Variants in ABCG5 observed in about 807,000 individuals in gnomAD.
ABCG5 encodes the protein ATP binding cassette subfamily G member 5, also known as ATP-binding cassette sub-family G member 5.
A neutral mutation model predicts 64.5 loss-of-function variants in ABCG5; 64 were observed. The observed-to-expected ratio is 0.99, with a 90% CI of 0.81 to 1.22. ABCG5 has a LOEUF of 1.22. ABCG5 is among the 50% of genes most tolerant of loss of function. The probability of loss-of-function intolerance (pLI) is 0.00; values close to 1 mark genes in which losing one functional copy is unlikely to be tolerated. For missense variants in ABCG5, 908 were observed against 829.5 expected (o/e 1.09, Z -1.16); for synonymous variants, 385 against 326.3 (o/e 1.18, Z -1.94).
At position 43,826,452 on chromosome 2, in the gene ABCG5, A is replaced by G; in HGVS notation, c.704T>C (p.Leu235Pro). ...CMTANQIVVL[L>P]VELARRNRIV... is the part of the protein sequence containing the mutation. Reference sequence around the variant, plus strand: ...TCGGTTCCTGCGAGCCAGTTCCACCAGGAGGACGACAATCTGATTAGCAGT... The same window carrying G: ...TCGGTTCCTGCGAGCCAGTTCCACCGGGAGGACGACAATCTGATTAGCAGT... Residue 235 changes from leucine (L) to proline (P), a missense_variant, in exon 6 of 13, where the codon CTG (leucine) becomes CCG (proline). Coordinates refer to ENST00000405322, the MANE Select transcript of ABCG5 (RefSeq NM_022436.3). 1 of 1,614,216 alleles carries G rather than the reference A, an allele frequency of 6.2e-7. No individual in the cohort carries two copies. The highest frequency in any genetic ancestry group is 8.5e-7 in the Non-Finnish European group (1 of 1,180,050).
chr2:43,836,534 G>T (rs1327692322), intron 2 of ABCG5, among the ~76,000 whole-genome samples: 2 of 152,190 alleles, frequency 1.3e-5, no homozygotes, highest in East Asian at 3.8e-4. Context: ...AGACACTGTG[G>T]TGTGCCACAC....
chr2:43,824,893 G>C lies in ABCG5; in HGVS notation c.900C>G (p.Phe300Leu), dbSNP rs748009304. 15 of 1,613,828 alleles carry C rather than the reference G, an allele frequency of 9.3e-6. No individual in the cohort carries two copies. The East Asian group carries it at 1.3e-4, about 14-fold the overall frequency. ...PCPEHSNPFD[F>L]YMDLTSVDTQ... ...GAATGTGAAAGAAAAACTTACTATAGAAGTCAAAAGGGTTTGAATGTTCAG... is the reference window on the plus strand; with the variant it reads ...GAATGTGAAAGAAAAACTTACTATACAAGTCAAAAGGGTTTGAATGTTCAG... The change falls in exon 7 of 13, where the codon TTC becomes TTG. Residue 300 changes from phenylalanine (F) to leucine (L), a missense_variant. Transcript: ENST00000405322.
chr2:43,839,137 C>T (rs1481817628), upstream of ABCG5: 8 of 1,550,722 alleles, frequency 5.2e-6, no homozygotes, highest in African/African-American at 1.4e-5. Flanking sequence ...AATGGGAAGT[C>T]GGCCCAGGCC....
In ABCG5 at chr2:43,838,832, C is replaced by G; in HGVS notation, c.-153G>C. 1 of 1,415,954 alleles carries G rather than the reference C, an allele frequency of 7.1e-7. No homozygotes were observed. Among genetic ancestry groups the G allele is most frequent in the Non-Finnish European group, 9.7e-7 (1 of 1,033,048 alleles). 87.7% of individuals were successfully genotyped at this position (1,415,954 alleles called of 1,614,324 possible). The stretch of plus-strand genomic sequence containing the variant: ...AGGACTGGGACTTGGCCACGGAGAC[C>G]ATTATCTGATGTACCTTTAGCCAGC... On this transcript the variant is annotated 5_prime_UTR_variant, in exon 1 of 13. The change abolishes an upstream ATG in the 5' untranslated region. Coordinates refer to ENST00000405322, the MANE Select transcript of ABCG5 (RefSeq NM_022436.3). This position sits in a 1 kb window ranked among gnomAD's most constrained non-coding sequence, Gnocchi z 4.2.
chr2:43,820,063 A>C lies in ABCG5; in HGVS notation c.1501T>G (p.Tyr501Asp). The C allele has an allele frequency of 1.2e-6, 2 of 1,614,186 alleles. No individual in the cohort carries two copies. Among genetic ancestry groups the C allele is most frequent in the Non-Finnish European group, 1.7e-6 (2 of 1,180,036 alleles). The stretch of plus-strand genomic sequence containing the variant: ...GGGGCCAAGAGAGCAGCAGAAAAAT[A>C]TCCAAATCGGGCAACCTCAGGATGT... ...GLHPEVARFG[Y>D]FSAALLAPHL... The change falls in exon 11 of 13, where the codon TAT becomes GAT. Residue 501 changes from tyrosine to aspartate, a missense_variant. By Grantham distance (160) the Tyr-to-Asp change is radical. Coordinates refer to ENST00000405322, the MANE Select transcript of ABCG5 (RefSeq NM_022436.3).
In ABCG5 at chr2:43,835,912, G is replaced by A. The variant is rs181414498; in HGVS notation, c.265+1922C>T. Among the ~76,000 whole-genome samples, 71 of 152,122 alleles carry A rather than the reference G, an allele frequency of 4.7e-4. No homozygotes were observed. In the South Asian group the frequency reaches 8.5e-3, roughly 18 times the overall value. ...CTATGGTATTTTGTTGTAGCAGCCT[G>A]AGTGGACTGAGACAGTCTGGGAATT... On this transcript the variant is annotated intron_variant, in intron 2 of 12. Transcript: ENST00000405322.
At position 43,824,960 on chromosome 2, in the gene ABCG5, G is replaced by A. The variant is rs566982836; in HGVS notation, c.833C>T (p.Ala278Val). The change falls in exon 7 of 13, where the codon GCG becomes GTG. Residue 278 changes from alanine to valine, a missense_variant. Ala to Val is a moderately conservative substitution (Grantham distance 64). Transcript: ENST00000405322. ...GTCATTGAAGAAATCAAGCATTTCCGCTGGCGTGCCACAGAAAATCAGCTC... is the reference window on the plus strand; with the variant it reads ...GTCATTGAAGAAATCAAGCATTTCCACTGGCGTGCCACAGAAAATCAGCTC... ...FGELIFCGTP[A>V]EMLDFFNDCG... 43 of 1,614,002 alleles carry A rather than the reference G, an allele frequency of 2.7e-5. No individual in the cohort carries two copies. Among genetic ancestry groups the A allele is most frequent in the East Asian group, 2.0e-4 (9 of 44,846 alleles).
At chr2:43,809,463 T>C (rs976662902), downstream of ABCG5, among the ~76,000 whole-genome samples, 3 of 152,238 alleles carry the variant, frequency 2.0e-5, no homozygotes, top group South Asian at 4.1e-4. Context: ...CATAATTTTG[T>C]CTGAAAGTTT....
rs1318594039 is a variant in ABCG5, at chr2:43,824,443, T to C, written c.905-11A>G. The C allele has an allele frequency of 3.7e-6, 6 of 1,613,366 alleles. No individual in the cohort carries two copies. The highest frequency in any genetic ancestry group is 5.1e-6 in the Non-Finnish European group (6 of 1,180,018). On this transcript the variant is annotated splice_polypyrimidine_tract_variant and intron_variant, in intron 7 of 12. Transcript: ENST00000405322. ...CTGACGTCAGGTCCACTAAAAGTTTTTCCCAAAAGATGTCACCCATGTGTT... is the reference window on the plus strand; with the variant it reads ...CTGACGTCAGGTCCACTAAAAGTTTCTCCCAAAAGATGTCACCCATGTGTT...
At chr2:43,832,245 A>G (rs1215536712) in intron 2 of ABCG5, 162 bp from the exon 3 acceptor site, 1 of 953,538 alleles carries the variant, frequency 1.0e-6, no homozygotes, top group East Asian at 2.6e-5. Flanking sequence ...GCCCTGCCCT[A>G]TGGAACGCGC....
intron 11 of ABCG5, among the ~76,000 whole-genome samples, chr2:43,815,016 A>G (rs1449008203): frequency 6.6e-6 from 1 of 152,204 alleles, no homozygotes; most frequent in Non-Finnish European, 1.5e-5. Flanking sequence ...ATTACTGTCT[A>G]CTTATTTTGG....
At position 43,831,862 on chromosome 2, in the gene ABCG5, G is replaced by A. The variant is rs141386201; in HGVS notation, c.408C>T (p.Asp136=). 10 of 1,575,786 alleles carry A rather than the reference G, an allele frequency of 6.3e-6. No homozygotes were observed. Among genetic ancestry groups the A allele is most frequent in the Middle Eastern group, 1.9e-4 (1 of 5,192 alleles). Residue 136 remains aspartate (D), a synonymous_variant, in exon 4 of 13, where the codon GAC becomes GAT. Coordinates refer to ENST00000405322, the MANE Select transcript of ABCG5 (RefSeq NM_022436.3). The stretch of plus-strand genomic sequence containing the variant: ...GCACGGTGAGGCTGCTCAGCAGGGT[G>A]TCGCTCTGCAGGAGACTCGGGCGTC... ...QDCFSYVLQS[D]TLLSSLTVRE...
chr2:43,832,603 C>G (rs1203870654), intron 2 of ABCG5: 1 of 169,086 alleles, frequency 5.9e-6, no homozygotes, highest in Non-Finnish European at 1.3e-5. Flanking sequence ...AGCCTCAAGC[C>G]GCACCCAAGA....
intron 5 of ABCG5, 83 bp downstream of exon 5, chr2:43,827,900 C>T: frequency 6.3e-7 from 1 of 1,585,194 alleles, no homozygotes; most frequent in African/African-American, 1.3e-5. Flanking sequence ...CAAATGAGGA[C>T]CGTGAAGAAA....
At chr2:43,832,175 G>A in intron 2 of ABCG5, 92 bp from the exon 3 acceptor site, 2 of 1,522,046 alleles carry the variant, frequency 1.3e-6, no homozygotes, top group Non-Finnish European at 1.8e-6. Flanking sequence ...ATGACCCCGC[G>A]GGCCATGAGT....
In ABCG5 at chr2:43,824,021, G is replaced by A. The variant is rs752962014; in HGVS notation, c.1216C>T (p.Arg406Trp). Residue 406 changes from arginine (R) to tryptophan (W), a missense_variant, in exon 9 of 13, where the codon CGG (arginine) becomes TGG (tryptophan). By Grantham distance (101) the Arg-to-Trp change is moderately radical (BLOSUM62 -3). Transcript: ENST00000405322. Reference protein sequence around the residue: ...MGLFLLFFVLRVRSNVLKGAI... With the variant: ...MGLFLLFFVLWVRSNVLKGAI... Reference sequence around the variant, plus strand: ...CCCTTTAGCACATTGCTTCGGACCCGCAGAACGAAGAAAAGGAGGAACAAA... The same window carrying A: ...CCCTTTAGCACATTGCTTCGGACCCACAGAACGAAGAAAAGGAGGAACAAA... 45 of 1,614,048 alleles carry A rather than the reference G, an allele frequency of 2.8e-5. No homozygotes were observed. Among genetic ancestry groups the A allele is most frequent in the Non-Finnish European group, 3.1e-5 (37 of 1,180,040 alleles).
In ABCG5 at chr2:43,838,659, C is replaced by A; in HGVS notation, c.21G>T (p.Leu7Phe). 1.9e-6 allele frequency: 3 copies of A among 1,613,628 alleles called. No homozygotes were observed. Among genetic ancestry groups the A allele is most frequent in the Non-Finnish European group, 2.5e-6 (3 of 1,179,960 alleles). The change falls in exon 1 of 13, where the codon TTG becomes TTT. Residue 7 changes from leucine to phenylalanine, a missense_variant. Leu to Phe is a conservative substitution (Grantham distance 22). Transcript: ENST00000405322. The surrounding 1 kb of genome is among the most constrained non-coding windows in gnomAD (Gnocchi z 4.2). Reference protein sequence around the residue: MGDLSSLTPGGSMGLQV... With the variant: MGDLSSFTPGGSMGLQV... Reference sequence around the variant, plus strand: ...GGAGACCCATGGACCCTCCGGGGGTCAAAGATGAGAGGTCACCCATGGCCA... The same window carrying A: ...GGAGACCCATGGACCCTCCGGGGGTAAAAGATGAGAGGTCACCCATGGCCA...
chr2:43,809,659 T>G (rs773049603), downstream of ABCG5: 4 of 1,422,264 alleles, frequency 2.8e-6, no homozygotes, highest in African/African-American at 2.8e-5. Flanking sequence ...CCTCCTTGAA[T>G]TAGTAAAGTT....
chr2:43,824,152 C>T (rs532840788), intron 8 of ABCG5, 34 bp from the exon 9 acceptor site: 11 of 1,614,108 alleles, frequency 6.8e-6, no homozygotes, highest in Non-Finnish European at 9.3e-6. Context: ...AATTCCTTTT[C>T]AGAATTGTTA....
Sources: gnomAD v4.1 joint callset for allele counts (sites outside exome capture counted in the v4.1 genomes callset) on GRCh38, gnomAD v4.1.1 for gene constraint, Gnocchi (gnomAD v3.1) non-coding constraint, MANE v1.5 for transcripts, NCBI Gene and HGNC (gene_info 2026-07-23, HGNC 2026-07-21) for gene names.